Variants in DDX17 observed in about 807,000 individuals in gnomAD.
DDX17 encodes DEAD-box helicase 17.
In DDX17, 10 loss-of-function variants were observed where a neutral mutation model predicts 80.8. The observed-to-expected ratio is 0.12, with a 90% confidence interval of 0.08 to 0.21. DDX17 has a LOEUF of 0.21. Ranked by LOEUF, DDX17 falls within the 10% of genes least tolerant of loss-of-function variation. DDX17 has a pLI of 1.00. For synonymous variants in DDX17, 339 were observed against 336.2 expected (o/e 1.01, Z -0.09); for missense variants, 586 against 957.4 (o/e 0.61, Z 5.12).
chr22:38,505,965 A>G lies in DDX17; in HGVS notation c.273T>C (p.Asp91=). 1 of 1,581,364 alleles carries G rather than the reference A, an allele frequency of 6.3e-7. No homozygotes were observed. The highest frequency in any genetic ancestry group is 8.6e-7 in the Non-Finnish European group (1 of 1,164,556). Residue 91 remains aspartate, a synonymous_variant, in exon 1 of 13, where the codon GAT becomes GAC. Coordinates refer to ENST00000403230, the MANE Select transcript of DDX17 (RefSeq NM_006386.5). ...CCCACCCTTACCCTCCACGGTCACG[A>G]TCCCGGTCCCGGTCCCCAAAGCCTC...
chr22:38,501,411 G>A (rs1051454198), intron 1 of DDX17, 131 bp from the exon 2 acceptor site: 4 of 1,111,452 alleles, frequency 3.6e-6, no homozygotes, highest in Admixed American at 3.4e-5. Flanking sequence ...CATTTTATTT[G>A]CTGTGATTTA....
chr22:38,494,626 A>C lies in DDX17; in HGVS notation c.1214+4T>G, dbSNP rs750273624. On this transcript the variant is annotated splice_donor_region_variant and intron_variant, in intron 8 of 12. Coordinates refer to ENST00000403230, the MANE Select transcript of DDX17 (RefSeq NM_006386.5). ...ATCAAATCAGAGTAAAATATCTTTC[A>C]TACTTGTGGTCTTTTTCACTTTCCA... 6.2e-7 allele frequency: 1 copy of C among 1,613,382 alleles called. No individual in the cohort carries two copies. Among genetic ancestry groups the C allele is most frequent in the South Asian group, 1.1e-5 (1 of 90,952 alleles).
chr22:38,503,723 T>G (rs994879982), intron 1 of DDX17, among the ~76,000 whole-genome samples: 2 of 152,268 alleles, frequency 1.3e-5, no homozygotes, highest in African/African-American at 4.8e-5. Context: ...TGAAGTCATA[T>G]ATTAACATTA....
In DDX17 at chr22:38,493,733, G is replaced by A; in HGVS notation, c.1364C>T (p.Pro455Leu). The A allele has an allele frequency of 1.9e-6, 3 of 1,613,430 alleles. No individual in the cohort carries two copies. The highest frequency in any genetic ancestry group is 2.5e-6 in the Non-Finnish European group (3 of 1,179,390). Residue 455 changes from proline (P) to leucine (L), a missense_variant, in exon 10 of 13, where the codon CCA becomes CTA. Physicochemically the swap from Pro to Leu is moderately conservative, Grantham distance 98. Coordinates refer to ENST00000403230, the MANE Select transcript of DDX17 (RefSeq NM_006386.5). Reference sequence around the variant, plus strand: ...ACCATTAAGTACCCAATCTCTTTCTGGTTGACTCTTGTCTCCATGGATACA... The same window carrying A: ...ACCATTAAGTACCCAATCTCTTTCTAGTTGACTCTTGTCTCCATGGATACA...
chr22:38,488,257 GAAACAAAA>G, intron 11 of DDX17, 142 bp from the exon 12 acceptor site: 1 of 1,549,020 alleles, frequency 6.5e-7, no homozygotes, highest in Non-Finnish European at 8.7e-7. Context: ...ACTCTGAACA[GAAACAAAA>G]AAAGACTCAT....
At chr22:38,505,572 G>A (rs541233758) in intron 1 of DDX17, 1 of 221,944 alleles carries the variant, frequency 4.5e-6, no homozygotes, top group African/African-American at 2.3e-5. Flanking sequence ...TGAACGCCGA[G>A]GCCTGGAGAC....
intron 1 of DDX17, among the ~76,000 whole-genome samples, chr22:38,503,722 A>G (rs560246057): frequency 1.3e-5 from 2 of 152,384 alleles, no homozygotes; most frequent in African/African-American, 2.4e-5. Flanking sequence ...TTGAAGTCAT[A>G]TATTAACATT....
At chr22:38,496,664 T>C (rs900529876) in intron 5 of DDX17, among the ~76,000 whole-genome samples, 3 of 152,146 alleles carry the variant, frequency 2.0e-5, no homozygotes, top group East Asian at 1.9e-4. Context: ...ATTTGGAATT[T>C]TGGATGGTCA....
At chr22:38,490,828 G>A (rs2089706482) in intron 11 of DDX17, 1 of 182,166 alleles carries the variant, frequency 5.5e-6, no homozygotes, top group Non-Finnish European at 1.2e-5. Context: ...AACAGACTCG[G>A]GTACCTTCCC....
Position 38,488,442 on chromosome 22 carries a change from G to A in DDX17, c.1448-327C>T, listed in dbSNP as rs953673510. Reference sequence around the variant, plus strand: ...GTTACACCAATATTGGTCTTCAGACGCAAATTCCAGTACTATCCTTTACAA... The same window carrying A: ...GTTACACCAATATTGGTCTTCAGACACAAATTCCAGTACTATCCTTTACAA... On this transcript the variant is annotated intron_variant, in intron 11 of 12. Coordinates refer to ENST00000403230, the MANE Select transcript of DDX17 (RefSeq NM_006386.5). 28 of 1,201,292 alleles carry A rather than the reference G, an allele frequency of 2.3e-5. No individual in the cohort carries two copies. In the South Asian group the frequency reaches 3.6e-4, roughly 16 times the overall value. 74.4% of individuals were successfully genotyped at this position (1,201,292 alleles called of 1,614,324 possible). A position where few individuals can be genotyped will look rare whatever the true frequency, so the allele number is the denominator to read the frequency against.
At chr22:38,503,347 C>T (rs535707444) in intron 1 of DDX17, among the ~76,000 whole-genome samples, 2 of 152,284 alleles carry the variant, frequency 1.3e-5, no homozygotes, top group East Asian at 1.9e-4. Flanking sequence ...CTACCCAAAC[C>T]TTAGTGACTT....
intron 1 of DDX17, among the ~76,000 whole-genome samples, chr22:38,503,645 T>C (rs1468206211): frequency 6.6e-6 from 1 of 152,256 alleles, no homozygotes; most frequent in East Asian, 1.9e-4. Flanking sequence ...TCTGGTATAC[T>C]ATGCTGCTCA....
At chr22:38,494,549 G>T in intron 8 of DDX17, 81 bp downstream of exon 8, 1 of 1,341,368 alleles carries the variant, frequency 7.5e-7, no homozygotes, top group Non-Finnish European at 1.0e-6. Flanking sequence ...AAAATATACT[G>T]GTTTCTACAG....
At chr22:38,499,542 A>C (rs376635382) in intron 2 of DDX17, 43 bp from the exon 3 acceptor site, 2 of 1,444,784 alleles carry the variant, frequency 1.4e-6, no homozygotes, top group South Asian at 2.3e-5. Context: ...TAGTTATTCT[A>C]AACATTCAGA....
At chr22:38,502,032 T>C (rs1196729921) in intron 1 of DDX17, among the ~76,000 whole-genome samples, 3 of 152,248 alleles carry the variant, frequency 2.0e-5, no homozygotes, top group Admixed American at 2.0e-4. Context: ...TGATAAGCAC[T>C]CCACCTGTCT....
At chr22:38,490,988 G>A (rs1353032394) in intron 11 of DDX17, 4 of 153,058 alleles carry the variant, frequency 2.6e-5, no homozygotes, top group Non-Finnish European at 5.8e-5. Context: ...CCAGCACATA[G>A]CAAGCCTGTT....
intron 1 of DDX17, among the ~76,000 whole-genome samples, chr22:38,503,558 T>C (rs1316606846): frequency 6.6e-6 from 1 of 152,236 alleles, no homozygotes; most frequent in Non-Finnish European, 1.5e-5. Context: ...GCTGACATAA[T>C]TAATGACCTC....
Position 38,485,946 on chromosome 22 carries a change from A to AAGGAGG in DDX17, c.2173_2178dup (p.Pro725_Pro726dup). On this transcript the variant is annotated inframe_insertion, in exon 13 of 13. Coordinates refer to ENST00000403230, the MANE Select transcript of DDX17 (RefSeq NM_006386.5). ...CCACTTGAGTGGTTTCATTTACGTG[A>AAGGAGG]AGGAGGAGGAGGGGGAGGAGGAGGA... 6.2e-7 allele frequency: 1 copy of AAGGAGG among 1,613,360 alleles called. No homozygotes were observed. The highest frequency in any genetic ancestry group is 8.5e-7 in the Non-Finnish European group (1 of 1,179,832).
rs1286108787 is a variant in DDX17, at chr22:38,489,109, CCTA to C, written c.1448-997_1448-995del. ...CAATTTTAAGAATATAACAAAGAAT[CCTA>C]CTGTTTTGTGGAAAAAAATCTGCAT... is the stretch of plus-strand genomic sequence containing the variant. On this transcript the variant is annotated intron_variant, in intron 11 of 12. Transcript: ENST00000403230. The surrounding 1 kb of genome is among the most constrained non-coding windows in gnomAD (Gnocchi z 4.6). The C allele has an allele frequency of 1.0e-5, 10 of 984,046 alleles. No individual in the cohort carries two copies. The highest frequency in any genetic ancestry group is 7.0e-5 in the African/African-American group (4 of 57,282). 61.0% of individuals were successfully genotyped at this position (984,046 alleles called of 1,614,324 possible). A position where few individuals can be genotyped will look rare whatever the true frequency, so the allele number is the denominator to read the frequency against.
Sources: gnomAD v4.1 joint callset for allele counts (sites outside exome capture counted in the v4.1 genomes callset) on GRCh38, gnomAD v4.1.1 for gene constraint, Gnocchi (gnomAD v3.1) non-coding constraint, MANE v1.5 for transcripts, NCBI Gene and HGNC (gene_info 2026-07-23, HGNC 2026-07-21) for gene names.